Variants in IL1RAP observed in about 807,000 individuals in gnomAD.
IL1RAP encodes interleukin 1 receptor accessory protein.
In IL1RAP, 35 loss-of-function variants were observed where a neutral mutation model predicts 60.7. That is an observed-to-expected ratio of 0.58 (90% CI 0.44 to 0.76). The LOEUF (loss-of-function observed/expected upper bound fraction) is 0.76, where lower values mean the gene tolerates loss of function less well. IL1RAP is among the 30% of genes least tolerant of loss of function. The pLI is 0.00. For synonymous variants in IL1RAP, 268 were observed against 250.9 expected, an observed-to-expected ratio of 1.07 and a Z score of -0.64; for missense variants, 572 against 693.9, an observed-to-expected ratio of 0.82 and a Z score of 1.97.
chr3:190,589,661 G>A (rs910267441), intron 3 of IL1RAP, among the ~76,000 whole-genome samples: 16 of 152,240 alleles, frequency 1.1e-4, no homozygotes, highest in Admixed American at 5.2e-4. Flanking sequence ...GTAATTTTGC[G>A]TGGAATATTG....
chr3:190,553,520 C>T (rs765323396), intron 1 of IL1RAP, among the ~76,000 whole-genome samples: 5 of 152,100 alleles, frequency 3.3e-5, no homozygotes, highest in African/African-American at 4.8e-5. Context: ...TAATTGCTCT[C>T]CAATGGGGTT....
chr3:190,514,765 G>A (rs866726933), intron 1 of IL1RAP, among the ~76,000 whole-genome samples: 1 of 152,218 alleles, frequency 6.6e-6, no homozygotes, highest in African/African-American at 2.4e-5. Context: ...AGCTTCTGGA[G>A]GAGCGCGGGG....
At chr3:190,568,506 A>G (rs1395825103) in intron 3 of IL1RAP, among the ~76,000 whole-genome samples, 2 of 152,244 alleles carry the variant, frequency 1.3e-5, no homozygotes, top group Non-Finnish European at 2.9e-5. Context: ...GAAATCATCT[A>G]TCCAATGATT....
At chr3:190,572,864 T>G (rs1192628606) in intron 3 of IL1RAP, among the ~76,000 whole-genome samples, 1 of 44,760 alleles carries the variant, frequency 2.2e-5, no homozygotes, top group African/African-American at 8.8e-5. Flanking sequence ...GCTTTGTTTT[T>G]TTTTTTTTTT....
At chr3:190,601,298 AC>A (rs1729839735) in intron 3 of IL1RAP, among the ~76,000 whole-genome samples, 1 of 152,224 alleles carries the variant, frequency 6.6e-6, no homozygotes, top group Admixed American at 6.5e-5. Flanking sequence ...CTTTGGTTAT[AC>A]TTTTATATAA....
chr3:190,527,401 G>A (rs542354962), intron 1 of IL1RAP, among the ~76,000 whole-genome samples: 2 of 152,294 alleles, frequency 1.3e-5, no homozygotes, highest in Non-Finnish European at 2.9e-5. Context: ...GTTTTGCAGG[G>A]CTGTGGTGAT....
In IL1RAP at chr3:190,649,798, CA is replaced by C. The variant is rs1734282627; in HGVS notation, c.*1096del. 7 of 984,828 alleles carry C rather than the reference CA, an allele frequency of 7.1e-6. No individual in the cohort carries two copies. The South Asian group carries it at 3.3e-4, about 46-fold the overall frequency. The allele number at this position is 984,828 out of a possible 1,614,324, so 61.0% of individuals were successfully genotyped here. Reference sequence around the variant, plus strand: ...ACTAGTGCAGGAAATATACTTGCTCCAAATAAGTCAGTATGAGAAGTCACTG... The same window carrying C: ...ACTAGTGCAGGAAATATACTTGCTCCAATAAGTCAGTATGAGAAGTCACTG... On this transcript the variant is annotated 3_prime_UTR_variant, in exon 12 of 12. Transcript: ENST00000447382.
At chr3:190,652,914 ACT>A (rs1207419321), downstream of IL1RAP, among the ~76,000 whole-genome samples, 2 of 151,834 alleles carry the variant, frequency 1.3e-5, no homozygotes, top group Non-Finnish European at 2.9e-5. Context: ...CCTTCCTTAA[ACT>A]CTCAAGATTT....
intron 5 of IL1RAP, among the ~76,000 whole-genome samples, chr3:190,613,586 A>G (rs1731007288): frequency 6.6e-6 from 1 of 152,194 alleles, no homozygotes; most frequent in Non-Finnish European, 1.5e-5. Flanking sequence ...CTGTAAAACA[A>G]TTACCATGGC....
chr3:190,607,486 C>T (rs186863511), intron 4 of IL1RAP, among the ~76,000 whole-genome samples: 17 of 152,092 alleles, frequency 1.1e-4, no homozygotes, highest in East Asian at 9.7e-4. Flanking sequence ...AGAGGATAAG[C>T]GTACGTATCT....
chr3:190,655,706 A>T, downstream of IL1RAP, among the ~76,000 whole-genome samples: 1 of 152,090 alleles, frequency 6.6e-6, no homozygotes, highest in East Asian at 1.9e-4. Flanking sequence ...TGAAGGCAGT[A>T]AATTCTTAGC....
In IL1RAP at chr3:190,608,986, T is replaced by C. The variant is rs1196838013; in HGVS notation, c.351-9T>C. 6.2e-7 allele frequency: 1 copy of C among 1,608,574 alleles called. No homozygotes were observed. Among genetic ancestry groups the C allele is most frequent in the Admixed American group, 1.7e-5 (1 of 59,236 alleles). ...ATACTACCCATTCATTGTATATTTC[T>C]TTTTTCAGGAACACTACATATTGCA... On this transcript the variant is annotated splice_polypyrimidine_tract_variant and intron_variant, in intron 4 of 11. Transcript: ENST00000447382.
intron 7 of IL1RAP, chr3:190,624,768 C>T: frequency 5.6e-6 from 1 of 179,504 alleles, no homozygotes. Flanking sequence ...GGATATGTAT[C>T]AGAGAATGAA....
At chr3:190,527,684 ATTT>A (rs58914187) in intron 1 of IL1RAP, among the ~76,000 whole-genome samples, 219 of 112,922 alleles carry the variant, frequency 1.9e-3, no homozygotes, top group South Asian at 5.6e-3. Context: ...GCTTGTTTAC[ATTT>A]TTTTTTTTTT....
chr3:190,650,374 G>A lies in IL1RAP; in HGVS notation c.*1669G>A, dbSNP rs538165853. On this transcript the variant is annotated 3_prime_UTR_variant, in exon 12 of 12. Coordinates refer to ENST00000447382, the MANE Select transcript of IL1RAP (RefSeq NM_002182.4). Reference sequence around the variant, plus strand: ...CACTGCTAAGCAGTAGCCAGCCATCGGGCATTAATTGATTTCCTACTATAT... The same window carrying A: ...CACTGCTAAGCAGTAGCCAGCCATCAGGCATTAATTGATTTCCTACTATAT... The A allele has an allele frequency of 9.1e-6, 9 of 985,328 alleles. No individual in the cohort carries two copies. In the South Asian group the frequency reaches 2.3e-4, roughly 26 times the overall value. 61.0% of individuals were successfully genotyped at this position (985,328 alleles called of 1,614,324 possible).
chr3:190,569,014 A>G (rs3773979), intron 3 of IL1RAP, among the ~76,000 whole-genome samples: 12,990 of 152,258 alleles, frequency 0.085, 704 homozygotes, highest in Middle Eastern at 0.21. Flanking sequence ...GATATTGGGG[A>G]AGACTTAATC....
In IL1RAP at chr3:190,627,422, T is replaced by C; in HGVS notation, c.875T>C (p.Ile292Thr). 6.2e-7 allele frequency: 1 copy of C among 1,613,224 alleles called. No individual in the cohort carries two copies. The highest frequency in any genetic ancestry group is 8.5e-7 in the Non-Finnish European group (1 of 1,179,622). The change falls in exon 8 of 12, where the codon ATC becomes ACC. Residue 292 changes from isoleucine to threonine, a missense_variant. By Grantham distance (89) the Ile-to-Thr change is moderately conservative. Coordinates refer to ENST00000447382, the MANE Select transcript of IL1RAP (RefSeq NM_002182.4). ...WTIDGKKPDD[I>T]TIDVTINESI... ...ATTGATGGAAAAAAACCTGATGACA[T>C]CACTATTGATGTCACCATTAACGAA... is the stretch of plus-strand genomic sequence containing the variant.
rs1476974940 is a variant in IL1RAP at position 190,651,323 on chromosome 3, T to C, written c.*2618T>C. On this transcript the variant is annotated 3_prime_UTR_variant, in exon 12 of 12. Transcript: ENST00000447382. ...TGTAACTTAGATGATTCCCAAGGAC[T>C]CTAATAAAAAATCACTTCATTGTAT... 1 of 929,816 alleles carries C rather than the reference T, an allele frequency of 1.1e-6. No homozygotes were observed. The highest frequency in any genetic ancestry group is 1.3e-6 in the Non-Finnish European group (1 of 779,332). The allele number at this position is 929,816 out of a possible 1,614,324, so 57.6% of individuals were successfully genotyped here.
intron 1 of IL1RAP, among the ~76,000 whole-genome samples, chr3:190,522,814 G>A (rs1158663684): frequency 6.6e-6 from 1 of 152,118 alleles, no homozygotes; most frequent in Non-Finnish European, 1.5e-5. Context: ...GAATCATGTG[G>A]ATACCTTCTG....
Sources: allele counts gnomAD v4.1 joint callset (sites outside exome capture counted in the v4.1 genomes callset), GRCh38; gene constraint gnomAD v4.1.1; transcripts MANE v1.5; gene names NCBI Gene and HGNC (gene_info 2026-07-23, HGNC 2026-07-21).